Variants in ADAMTS2 observed in about 807,000 individuals in gnomAD.
ADAMTS2 encodes A disintegrin and metalloproteinase with thrombospondin motifs 2.
ADAMTS2 carries 50 observed loss-of-function variants against 123.0 expected under a neutral mutation model. The observed-to-expected ratio is 0.41, with a 90% CI of 0.32 to 0.51. ADAMTS2 has a LOEUF of 0.51. ADAMTS2 is among the 20% of genes least tolerant of loss of function. The pLI, the probability that ADAMTS2 is intolerant of heterozygous loss-of-function variation, is 0.35. For missense variants in ADAMTS2, 1,494 were observed against 1,705.2 expected, an observed-to-expected ratio of 0.88 and a Z score of 2.18; for synonymous variants, 678 against 695.4, an observed-to-expected ratio of 0.98 and a Z score of 0.39.
intron 3 of ADAMTS2, among the ~76,000 whole-genome samples, chr5:179,245,948 C>A (rs1581217591): frequency 6.6e-6 from 1 of 152,204 alleles, no homozygotes; most frequent in African/African-American, 2.4e-5. Context: ...ATAGAGGACT[C>A]CAAAATTCTG....
At position 179,114,207 on chromosome 5, in the gene ADAMTS2, A is replaced by G. The variant is rs979699810; in HGVS notation, c.3296T>C (p.Leu1099Pro). ...CCKSCNLYNN[L>P]TNVEGRIEPP... ...CTCTATCCTGCCCTCCACGTTGGTG[A>G]GGTTGTTGTACAGGTTACAGGACTT... Residue 1099 changes from leucine (L) to proline (P), a missense_variant, in exon 22 of 22, where the codon CTC becomes CCC. This residue lies in a region of ADAMTS2 where 953 missense variants were observed against 1,124.7 expected (regional missense o/e 0.85). Transcript: ENST00000251582. 1.9e-6 allele frequency: 3 copies of G among 1,611,882 alleles called. No homozygotes were observed. In the African/African-American group the frequency reaches 4.0e-5, roughly 22 times the overall value.
intron 2 of ADAMTS2, among the ~76,000 whole-genome samples, chr5:179,299,684 C>T (rs1756457622): frequency 6.6e-6 from 1 of 151,778 alleles, no homozygotes. Context: ...TTGTTTTTTT[C>T]CAGCTTTTAG....
rs1764027881 is a variant in ADAMTS2 at position 179,180,819 on chromosome 5, G to A, written c.975+253C>T. On this transcript the variant is annotated intron_variant, in intron 5 of 21. Coordinates refer to ENST00000251582, the MANE Select transcript of ADAMTS2 (RefSeq NM_014244.5). This position sits in a 1 kb window ranked among gnomAD's most constrained non-coding sequence, Gnocchi z 4.6. Reference sequence around the variant, plus strand: ...GGTGCCTCCCTGTGTGGCCCCCGTGGCCTGGTATGTCTCTTCCTCTTGGGA... The same window carrying A: ...GGTGCCTCCCTGTGTGGCCCCCGTGACCTGGTATGTCTCTTCCTCTTGGGA... 6.6e-6 allele frequency among the ~76,000 whole-genome samples: 1 copy of A among 152,168 alleles called. No homozygotes were observed. The highest frequency in any genetic ancestry group is 1.5e-5 in the Non-Finnish European group (1 of 68,026).
intron 3 of ADAMTS2, among the ~76,000 whole-genome samples, chr5:179,250,307 A>G (rs1012944496): frequency 6.6e-6 from 1 of 152,228 alleles, no homozygotes; most frequent in African/African-American, 2.4e-5. Flanking sequence ...TTCTAGTCAG[A>G]GCAATTCAGC....
chr5:179,123,840 A>C (rs1358408822), intron 19 of ADAMTS2, among the ~76,000 whole-genome samples: 1 of 152,224 alleles, frequency 6.6e-6, no homozygotes, highest in Admixed American at 6.5e-5. Context: ...CACCAGTACC[A>C]GTTGGTCTGG....
chr5:179,150,342 G>T (rs1458587832), intron 10 of ADAMTS2, among the ~76,000 whole-genome samples: 1 of 152,218 alleles, frequency 6.6e-6, no homozygotes, highest in African/African-American at 2.4e-5. Context: ...GGAATAGCTG[G>T]GTGGTTCTGG....
At position 179,345,383 on chromosome 5, in the gene ADAMTS2, G is replaced by T. The variant is rs1757924561; in HGVS notation, c.-55C>A. 1 of 1,107,386 alleles carries T rather than the reference G, an allele frequency of 9.0e-7. No individual in the cohort carries two copies. The highest frequency in any genetic ancestry group is 1.1e-6 in the Non-Finnish European group (1 of 908,212). The allele number at this position is 1,107,386 out of a possible 1,614,324, so 68.6% of individuals were successfully genotyped here. A position where few individuals can be genotyped will look rare whatever the true frequency, so the allele number is the denominator to read the frequency against. On this transcript the variant is annotated 5_prime_UTR_variant, in exon 1 of 22. Coordinates refer to ENST00000251582, the MANE Select transcript of ADAMTS2 (RefSeq NM_014244.5). This position sits in a 1 kb window ranked among gnomAD's most constrained non-coding sequence, Gnocchi z 7.5. ...CTCGCAGCCGGCGCGAAAGTTCCCCGCGAGCCGCCCAGCCCACATCTGGGG... is the reference window on the plus strand; with the variant it reads ...CTCGCAGCCGGCGCGAAAGTTCCCCTCGAGCCGCCCAGCCCACATCTGGGG...
chr5:179,156,359 ATT>A (rs397967558), intron 6 of ADAMTS2, among the ~76,000 whole-genome samples: 15 of 122,326 alleles, frequency 1.2e-4, no homozygotes, highest in East Asian at 2.4e-4. Flanking sequence ...TCAGCTTTCG[ATT>A]TTTTTTTTTT....
intron 15 of ADAMTS2, among the ~76,000 whole-genome samples, chr5:179,131,610 A>C (rs561361080): frequency 1.3e-5 from 2 of 152,218 alleles, no homozygotes; most frequent in East Asian, 3.9e-4. Context: ...GGTAGGGCCC[A>C]GGCACCTTCA....
In ADAMTS2 at chr5:179,158,072, C is replaced by T. The variant is rs943990353; in HGVS notation, c.1132+651G>A. 2.0e-5 allele frequency among the ~76,000 whole-genome samples: 3 copies of T among 152,004 alleles called. No homozygotes were observed. Among genetic ancestry groups the T allele is most frequent in the South Asian group, 2.1e-4 (1 of 4,816 alleles). ...CTCCGCCTCCCGGGTTCACACCATT[C>T]TCCTGCCTCAGCCTCCCGGGTAGCT... On this transcript the variant is annotated intron_variant, in intron 6 of 21. Transcript: ENST00000251582. The surrounding 1 kb of genome is among the most constrained non-coding windows in gnomAD (Gnocchi z 5.0).
chr5:179,243,166 AT>A (rs1290092713), intron 3 of ADAMTS2, among the ~76,000 whole-genome samples: 18 of 145,534 alleles, frequency 1.2e-4, no homozygotes, highest in Admixed American at 1.2e-3. Context: ...AAAAAAAAAA[AT>A]CAGGAGAACA....
At chr5:179,230,798 G>A (rs774768235) in intron 3 of ADAMTS2, among the ~76,000 whole-genome samples, 1 of 152,182 alleles carries the variant, frequency 6.6e-6, no homozygotes, top group Non-Finnish European at 1.5e-5. Context: ...ATTGCCTGAG[G>A]TCAGGAGTTC....
intron 2 of ADAMTS2, among the ~76,000 whole-genome samples, chr5:179,277,217 A>G (rs1486029250): frequency 6.6e-6 from 1 of 152,058 alleles, no homozygotes; most frequent in African/African-American, 2.4e-5. Flanking sequence ...GACGTTCAAC[A>G]TGCTCCTCAC....
intron 3 of ADAMTS2, among the ~76,000 whole-genome samples, chr5:179,230,368 G>T (rs1264774112): frequency 1.3e-5 from 2 of 152,142 alleles, no homozygotes; most frequent in Non-Finnish European, 2.9e-5. Flanking sequence ...CATTGATGCC[G>T]AGATGCTCAG....
At chr5:179,287,357 A>G (rs98071) in intron 2 of ADAMTS2, among the ~76,000 whole-genome samples, 35,068 of 152,172 alleles carry the variant, frequency 0.23, 5,483 homozygotes, top group African/African-American at 0.44. Context: ...GCAGGGAGAC[A>G]AGAATGCTGC....
At chr5:179,271,862 G>A (rs1482072055) in intron 3 of ADAMTS2, among the ~76,000 whole-genome samples, 2 of 152,314 alleles carry the variant, frequency 1.3e-5, no homozygotes, top group Admixed American at 6.5e-5. Flanking sequence ...TAAATGAGGC[G>A]GGGCTGCTAT....
At chr5:179,140,799 CT>C (rs770094463) in intron 10 of ADAMTS2, among the ~76,000 whole-genome samples, 1,395 of 90,402 alleles carry the variant, frequency 0.015, 27 homozygotes, top group East Asian at 0.047. Flanking sequence ...ACTGCATGCT[CT>C]TTTTTTTTTT....
rs532627950 is a variant in ADAMTS2 at position 179,332,016 on chromosome 5, C to T, written c.534+11751G>A. 1.9e-4 allele frequency among the ~76,000 whole-genome samples: 29 copies of T among 152,336 alleles called. No individual in the cohort carries two copies. Among genetic ancestry groups the T allele is most frequent in the African/African-American group, 5.3e-4 (22 of 41,570 alleles). ...CTTTCCACCTGTGCCTCTGACCAGG[C>T]GGCTATAAATTGGGCGGGTCCCACA... On this transcript the variant is annotated intron_variant, in intron 2 of 21. Transcript: ENST00000251582. The surrounding 1 kb of genome is among the most constrained non-coding windows in gnomAD (Gnocchi z 4.2).
chr5:179,126,163 G>C (rs1762854128), intron 17 of ADAMTS2, 33 bp from the exon 18 acceptor site: 1 of 1,612,326 alleles, frequency 6.2e-7, no homozygotes, highest in African/African-American at 1.3e-5. Flanking sequence ...GGGTCGGTGG[G>C]GCAGCATGCC....
Sources: allele counts gnomAD v4.1 joint callset (sites outside exome capture counted in the v4.1 genomes callset), GRCh38; gene constraint gnomAD v4.1.1; regional missense constraint gnomAD v4.1.1; non-coding constraint Gnocchi (gnomAD v3.1); transcripts MANE v1.5; gene names NCBI Gene and HGNC (gene_info 2026-07-23, HGNC 2026-07-21).